TLL1: variants seen among roughly 807,000 people sequenced by gnomAD.
TLL1 encodes tolloid like 1.
TLL1 carries 49 observed loss-of-function variants against 128.2 expected under a neutral mutation model. The ratio of observed to expected loss-of-function variants is 0.38; its 90% CI spans 0.30 to 0.48. The LOEUF (loss-of-function observed/expected upper bound fraction) is 0.48, where lower values mean the gene tolerates loss of function less well. Among genes scored for constraint, TLL1 ranks in the 20% least tolerant of loss-of-function variants. The probability of loss-of-function intolerance (pLI) is 0.96; values close to 1 mark genes in which losing one functional copy is unlikely to be tolerated. For missense variants in TLL1, 1,123 were observed against 1,242.0 expected (o/e 0.90, Z 1.44); for synonymous variants, 454 against 418.8 (o/e 1.08, Z -1.03).
intron 1 of TLL1, among the ~76,000 whole-genome samples, chr4:165,879,484 C>A (rs926043336): frequency 1.3e-5 from 2 of 152,116 alleles, no homozygotes; most frequent in Admixed American, 1.3e-4. Flanking sequence ...TTGATATGAT[C>A]GCTTACAGAA....
At chr4:166,021,270 T>C (rs1738218509) in intron 8 of TLL1, among the ~76,000 whole-genome samples, 1 of 152,002 alleles carries the variant, frequency 6.6e-6, no homozygotes, top group African/African-American at 2.4e-5. Flanking sequence ...TTCATGGATA[T>C]GTTTATTCAT....
intron 5 of TLL1, among the ~76,000 whole-genome samples, chr4:166,000,714 A>AT (rs754190096): frequency 1.4e-4 from 21 of 151,756 alleles, no homozygotes; most frequent in African/African-American, 3.4e-4. Flanking sequence ...AAAATTTGAA[A>AT]TTTTTTTTTG....
chr4:166,003,373 C>T lies in TLL1; in HGVS notation c.633-18C>T. 1 of 1,613,884 alleles carries T rather than the reference C, an allele frequency of 6.2e-7. No individual in the cohort carries two copies. Among genetic ancestry groups the T allele is most frequent in the Non-Finnish European group, 8.5e-7 (1 of 1,179,828 alleles). On this transcript the variant is annotated intron_variant, in intron 5 of 20. Transcript: ENST00000061240. ...CACCACCTTTCCACCACCATCTCCA[C>T]TTTCTCTTTTATTCCAGATGCTGCT...
At chr4:165,941,423 G>A (rs1734002209) in intron 1 of TLL1, among the ~76,000 whole-genome samples, 1 of 152,122 alleles carries the variant, frequency 6.6e-6, no homozygotes, top group South Asian at 2.1e-4. Context: ...TAGATAGCAT[G>A]TACCATGAAT....
intron 14 of TLL1, among the ~76,000 whole-genome samples, chr4:166,058,619 C>T (rs1174393114): frequency 6.6e-6 from 1 of 152,138 alleles, no homozygotes; most frequent in Non-Finnish European, 1.5e-5. Flanking sequence ...CCCCATACCG[C>T]TATTACAGGC....
chr4:165,909,546 A>G (rs1732430415), intron 1 of TLL1, among the ~76,000 whole-genome samples: 1 of 152,126 alleles, frequency 6.6e-6, no homozygotes, highest in South Asian at 2.1e-4. Context: ...ATGAGGAGGA[A>G]CCAGTAAGGA....
Position 166,099,544 on chromosome 4 carries a change from C to A in TLL1, c.2907+17C>A. On this transcript the variant is annotated intron_variant, in intron 20 of 20. Transcript: ENST00000061240. ...GGATCCGGGGTAAATATACCACCAA[C>A]AGAATACCCTAGACATGATTAAAGA... 6.2e-7 allele frequency: 1 copy of A among 1,606,392 alleles called. No homozygotes were observed.
chr4:166,053,771 C>T (rs886203125), intron 12 of TLL1, among the ~76,000 whole-genome samples: 16 of 152,116 alleles, frequency 1.1e-4, no homozygotes, highest in South Asian at 2.1e-4. Flanking sequence ...CATAAATTAA[C>T]GAATTGTATG....
At chr4:165,963,942 C>A (rs1735246160) in intron 1 of TLL1, among the ~76,000 whole-genome samples, 1 of 152,116 alleles carries the variant, frequency 6.6e-6, no homozygotes, top group African/African-American at 2.4e-5. Context: ...ATGTGTTAAA[C>A]CATATCTTTA....
At chr4:165,973,070 G>T (rs1735701060) in intron 1 of TLL1, among the ~76,000 whole-genome samples, 1 of 152,108 alleles carries the variant, frequency 6.6e-6, no homozygotes, top group South Asian at 2.1e-4. Flanking sequence ...GTCTGTATTA[G>T]TCAGGGTTCT....
intron 5 of TLL1, among the ~76,000 whole-genome samples, chr4:166,001,039 G>T (rs77220953): frequency 0.028 from 4,275 of 152,208 alleles, 135 homozygotes; most frequent in East Asian, 0.15. Context: ...AAAAGGGTAG[G>T]GGGAGAGGGA....
intron 1 of TLL1, among the ~76,000 whole-genome samples, chr4:165,920,215 T>A (rs918301329): frequency 3.9e-5 from 6 of 152,172 alleles, no homozygotes; most frequent in Non-Finnish European, 8.8e-5. Flanking sequence ...CACGTTGGCA[T>A]CAATTAAGAG....
intron 3 of TLL1, 95 bp from the exon 4 acceptor site, chr4:165,994,286 T>C: frequency 1.4e-6 from 2 of 1,457,106 alleles, no homozygotes; most frequent in Non-Finnish European, 1.9e-6. Context: ...ACAAAAAATA[T>C]GTAAATAAGA....
At position 166,065,812 on chromosome 4, in the gene TLL1, A is replaced by G. The variant is rs1026895131; in HGVS notation, c.2137A>G (p.Lys713Glu). ...GTTCAACAATATGAGAATTGAATTC[A>G]AATCTGACAATACTGTATCCAAGAA... ...SQFNNMRIEF[K>E]SDNTVSKKGF... Residue 713 changes from lysine to glutamate, a missense_variant, in exon 16 of 21, where the codon AAA (lysine) becomes GAA (glutamate). Coordinates refer to ENST00000061240, the MANE Select transcript of TLL1 (RefSeq NM_012464.5). 2 of 1,612,928 alleles carry G rather than the reference A, an allele frequency of 1.2e-6. No homozygotes were observed. The highest frequency in any genetic ancestry group is 1.3e-5 in the African/African-American group (1 of 74,846).
In TLL1 at chr4:165,992,662, GATTCATGGAT is replaced by G. The variant is rs1230161001; in HGVS notation, c.281-135_281-126del. On this transcript the variant is annotated intron_variant, in intron 2 of 20. Coordinates refer to ENST00000061240, the MANE Select transcript of TLL1 (RefSeq NM_012464.5). Reference sequence around the variant, plus strand: ...CTGTAGAGTTTTTACCCCCTTCAAAGATTCATGGATATTCATAATTTCAACACTTTAAGAC... The same window carrying G: ...CTGTAGAGTTTTTACCCCCTTCAAAGATTCATAATTTCAACACTTTAAGAC... 1.8e-5 allele frequency: 14 copies of G among 757,678 alleles called. No individual in the cohort carries two copies. The African/African-American group carries it at 2.3e-4, about 12-fold the overall frequency. 46.9% of individuals were successfully genotyped at this position (757,678 alleles called of 1,614,324 possible).
chr4:166,103,636 C>T lies in TLL1; in HGVS notation c.*2760C>T, dbSNP rs889463856. The stretch of plus-strand genomic sequence containing the variant: ...TTGTATCATGTCAAGTATCAGTTTA[C>T]CACATATTATTTTTATATTAATTCA... On this transcript the variant is annotated 3_prime_UTR_variant, in exon 21 of 21. Coordinates refer to ENST00000061240, the MANE Select transcript of TLL1 (RefSeq NM_012464.5). 2.6e-5 allele frequency: 4 copies of T among 151,720 alleles called. No individual in the cohort carries two copies. The highest frequency in any genetic ancestry group is 4.1e-4 in the South Asian group (2 of 4,824). The allele number at this position is 151,720 out of a possible 1,614,324, so 9.4% of individuals were successfully genotyped here.
At chr4:166,067,203 G>C (rs539996053) in intron 16 of TLL1, among the ~76,000 whole-genome samples, 9 of 151,686 alleles carry the variant, frequency 5.9e-5, no homozygotes, top group Non-Finnish European at 1.3e-4. Context: ...TAAAAAGAAA[G>C]TGTTCAGGAT....
chr4:166,026,078 AAAC>A (rs542899706), intron 9 of TLL1, among the ~76,000 whole-genome samples: 5 of 152,118 alleles, frequency 3.3e-5, no homozygotes, highest in South Asian at 2.1e-4. Context: ...AATTGATTAA[AAAC>A]AACAACAACA....
rs114032464 is a variant in TLL1 at position 166,060,059 on chromosome 4, C to A, written c.1878C>A (p.Asn626Lys). The A allele has an allele frequency of 1.1e-5, 17 of 1,613,660 alleles. 1 individual carries two copies. In the South Asian group the frequency reaches 1.5e-4, roughly 15 times the overall value. The change falls in exon 15 of 21, where the codon AAC becomes AAA. Residue 626 changes from asparagine (N) to lysine (K), a missense_variant. This residue lies in a region of TLL1 where 634 missense variants were observed against 672.4 expected (regional missense o/e 0.94). Coordinates refer to ENST00000061240, the MANE Select transcript of TLL1 (RefSeq NM_012464.5). ...AACGGLLTKL[N>K]GTITTPGWPK... ...GTGGTGGACTTCTTACCAAACTTAA[C>A]GGCACCATAACCACCCCTGGCTGGC...
Sources: gnomAD v4.1 joint callset for allele counts (sites outside exome capture counted in the v4.1 genomes callset) on GRCh38, gnomAD v4.1.1 for gene constraint, gnomAD v4.1.1 regional missense constraint, MANE v1.5 for transcripts, NCBI Gene and HGNC (gene_info 2026-07-23, HGNC 2026-07-21) for gene names.